RSF1: variants seen among roughly 807,000 people sequenced by gnomAD.
RSF1 encodes remodeling and spacing factor 1, also known as HBV pX-associated protein 8.
RSF1 carries 13 observed loss-of-function variants against 145.2 expected under a neutral mutation model. The observed-to-expected ratio is 0.09, with a 90% CI of 0.06 to 0.14. The LOEUF is 0.14. Ranked by LOEUF, RSF1 falls within the 10% of genes least tolerant of loss-of-function variation. The probability of loss-of-function intolerance (pLI) is 1.00; values close to 1 mark genes in which losing one functional copy is unlikely to be tolerated. For synonymous variants in RSF1, 577 were observed against 592.6 expected (o/e 0.97, Z 0.38); for missense variants, 1,517 against 1,718.2 (o/e 0.88, Z 2.07).
At chr11:77,845,074 G>T in the RSF1 span, among the ~76,000 whole-genome samples, 10 of 152,018 alleles carry the variant, frequency 6.6e-5, no homozygotes, top group Admixed American at 6.6e-4. Context: ...GTCTAGGTAT[G>T]GATATCTTTG....
At chr11:77,822,414 C>CAAAAA (rs66463325), upstream of RSF1, among the ~76,000 whole-genome samples, 33 of 74,698 alleles carry the variant, frequency 4.4e-4, no homozygotes, top group Middle Eastern at 7.6e-3. Context: ...GACTCCACCT[C>CAAAAA]AAAAAAAAAA....
the RSF1 span, among the ~76,000 whole-genome samples, chr11:77,853,287 A>G: frequency 6.6e-6 from 1 of 152,208 alleles, no homozygotes; most frequent in Non-Finnish European, 1.5e-5. Flanking sequence ...TCTAAAGAAA[A>G]GAGGTTTCAT....
At chr11:77,711,334 T>C (rs377084433) in intron 5 of RSF1, among the ~76,000 whole-genome samples, 7 of 152,096 alleles carry the variant, frequency 4.6e-5, no homozygotes, top group African/African-American at 1.7e-4. Context: ...AGAATAACAA[T>C]ACTGATACCA....
At chr11:77,746,076 C>G (rs1334474202) in intron 3 of RSF1, among the ~76,000 whole-genome samples, 1 of 151,976 alleles carries the variant, frequency 6.6e-6, no homozygotes, top group Non-Finnish European at 1.5e-5. Context: ...TAAAGTATTA[C>G]ATACATTATA....
the RSF1 span, among the ~76,000 whole-genome samples, chr11:77,871,679 C>G: frequency 6.6e-6 from 1 of 152,130 alleles, no homozygotes; most frequent in Non-Finnish European, 1.5e-5. Context: ...AAGAGCTAGC[C>G]TAACATTTCT....
At chr11:77,686,408 CAAAAAA>C (rs564410248) in intron 9 of RSF1, among the ~76,000 whole-genome samples, 2 of 37,132 alleles carry the variant, frequency 5.4e-5, no homozygotes, top group African/African-American at 2.4e-4. Flanking sequence ...GACCCTGTCT[CAAAAAA>C]AAAAAAAAAA....
upstream of RSF1, chr11:77,821,132 T>G (rs1254256468): frequency 4.9e-6 from 2 of 405,604 alleles, no homozygotes; most frequent in Non-Finnish European, 8.8e-6. Context: ...GCAGGGCGTA[T>G]TCCCGGAGGG....
chr11:77,795,103 A>C (rs1169656053), intron 1 of RSF1, among the ~76,000 whole-genome samples: 4 of 151,268 alleles, frequency 2.6e-5, no homozygotes, highest in African/African-American at 7.3e-5. Flanking sequence ...CAATAACTAC[A>C]AAAAAAAATG....
At chr11:77,734,959 C>T (rs1003525417) in intron 4 of RSF1, 16 of 1,596,394 alleles carry the variant, frequency 1.0e-5, no homozygotes, top group East Asian at 2.2e-5. Context: ...GTTGATCTGG[C>T]GGTTGATGGC....
intron 4 of RSF1, among the ~76,000 whole-genome samples, chr11:77,738,123 C>T (rs948101993): frequency 2.0e-5 from 3 of 152,022 alleles, no homozygotes; most frequent in Non-Finnish European, 4.4e-5. Context: ...AGTGAGACTC[C>T]GTCTCTAAAA....
chr11:77,780,645 G>A (rs913865743), intron 1 of RSF1, among the ~76,000 whole-genome samples: 5 of 152,086 alleles, frequency 3.3e-5, no homozygotes, highest in Non-Finnish European at 4.4e-5. Context: ...GGCCAACATG[G>A]TGAAACCTGT....
chr11:77,761,521 G>C (rs1379073990), intron 2 of RSF1, among the ~76,000 whole-genome samples: 1 of 152,132 alleles, frequency 6.6e-6, no homozygotes, highest in Admixed American at 6.5e-5. Context: ...CTGTCTTCAG[G>C]AAAGAGGCAG....
intron 9 of RSF1, among the ~76,000 whole-genome samples, chr11:77,688,668 T>C (rs1960071854): frequency 6.6e-6 from 1 of 152,174 alleles, no homozygotes; most frequent in Non-Finnish European, 1.5e-5. Flanking sequence ...TGGGCACCTG[T>C]AGTCCCTCCT....
At chr11:77,746,279 CT>C (rs1947999358) in intron 3 of RSF1, among the ~76,000 whole-genome samples, 1 of 152,238 alleles carries the variant, frequency 6.6e-6, no homozygotes, top group East Asian at 1.9e-4. Flanking sequence ...AGACAGGTAT[CT>C]TTTGGATCTT....
chr11:77,764,862 A>G (rs1302671247), intron 1 of RSF1, among the ~76,000 whole-genome samples, 173 bp from the exon 2 acceptor site: 1 of 152,238 alleles, frequency 6.6e-6, no homozygotes, highest in East Asian at 1.9e-4. Context: ...ACAGCAAGAA[A>G]TGACCAAAAA....
the RSF1 span, among the ~76,000 whole-genome samples, chr11:77,848,514 C>T: frequency 6.6e-6 from 1 of 152,092 alleles, no homozygotes; most frequent in East Asian, 1.9e-4. Context: ...CCCACCACCT[C>T]ACTTGGCTAA....
At chr11:77,685,699 T>C (rs779234162) in intron 9 of RSF1, among the ~76,000 whole-genome samples, 20 of 152,180 alleles carry the variant, frequency 1.3e-4, no homozygotes, top group African/African-American at 3.6e-4. Flanking sequence ...ATGACTTACA[T>C]TGGTGAAATA....
At chr11:77,841,997 A>T in the RSF1 span, among the ~76,000 whole-genome samples, 1 of 152,086 alleles carries the variant, frequency 6.6e-6, no homozygotes, top group African/African-American at 2.4e-5. Flanking sequence ...GAGTGGTGGA[A>T]TGGGGGTTGT....
chr11:77,697,323 T>C (rs1019345714), intron 7 of RSF1, among the ~76,000 whole-genome samples: 1 of 151,672 alleles, frequency 6.6e-6, no homozygotes, highest in South Asian at 2.1e-4. Context: ...TTTCTTCTAC[T>C]TAATAGCTGG....
Sources: gnomAD v4.1 joint callset for allele counts (sites outside exome capture counted in the v4.1 genomes callset) on GRCh38, gnomAD v4.1.1 for gene constraint, MANE v1.5 for transcripts, NCBI Gene and HGNC (gene_info 2026-07-23, HGNC 2026-07-21) for gene names.